Variants in NUP93 observed in about 807,000 individuals in gnomAD.
NUP93 encodes nucleoporin 93.
Under a neutral mutation model 107.8 loss-of-function variants are expected in NUP93, and 55 were observed. That is an observed-to-expected ratio of 0.51 (90% confidence interval 0.41 to 0.64). The LOEUF (loss-of-function observed/expected upper bound fraction) is 0.64, where lower values mean the gene tolerates loss of function less well. Among genes scored for constraint, NUP93 ranks in the 30% least tolerant of loss-of-function variants. The pLI, the probability that NUP93 is intolerant of heterozygous loss-of-function variation, is 0.00. For missense variants in NUP93, 937 were observed against 1,044.7 expected (o/e 0.90, Z 1.42); for synonymous variants, 390 against 397.5 (o/e 0.98, Z 0.22).
At chr16:56,745,341 C>A (rs969108885) in intron 1 of NUP93, among the ~76,000 whole-genome samples, 3 of 151,998 alleles carry the variant, frequency 2.0e-5, no homozygotes, top group Non-Finnish European at 4.4e-5. Context: ...GGAGATGAGT[C>A]TGAGTGATGA....
At chr16:56,817,468 T>G (rs1429771190) in intron 5 of NUP93, among the ~76,000 whole-genome samples, 1 of 152,202 alleles carries the variant, frequency 6.6e-6, no homozygotes, top group Non-Finnish European at 1.5e-5. Flanking sequence ...TTTGATTTAT[T>G]TTAGATTTTA....
intron 3 of NUP93, among the ~76,000 whole-genome samples, chr16:56,769,768 A>G (rs1424498952): frequency 6.6e-6 from 1 of 152,250 alleles, no homozygotes; most frequent in African/African-American, 2.4e-5. Context: ...TTTAAAGGGC[A>G]CATCAAATTT....
Position 56,831,868 on chromosome 16 carries a change from T to C in NUP93, c.1112T>C (p.Leu371Pro). ...RRLSPATENK[L>P]RLHYRRALRN... ...TTGTCCCCAGCTACGGAAAACAAGC[T>C]CCGGCTGCATTACCGTAGGGCCCTC... Residue 371 changes from leucine to proline, a missense_variant, in exon 11 of 22, where the codon CTC becomes CCC. Coordinates refer to ENST00000308159, the MANE Select transcript of NUP93 (RefSeq NM_014669.5). 1 of 1,614,078 alleles carries C rather than the reference T, an allele frequency of 6.2e-7. No homozygotes were observed. Among genetic ancestry groups the C allele is most frequent in the Non-Finnish European group, 8.5e-7 (1 of 1,179,988 alleles).
intron 3 of NUP93, among the ~76,000 whole-genome samples, chr16:56,772,685 A>G (rs1477338840): frequency 1.3e-5 from 2 of 152,236 alleles, no homozygotes; most frequent in Non-Finnish European, 1.5e-5. Flanking sequence ...CTGCATTTGC[A>G]AACCCCAAAT....
At chr16:56,768,652 G>C (rs1424703684) in intron 3 of NUP93, among the ~76,000 whole-genome samples, 7 of 151,754 alleles carry the variant, frequency 4.6e-5, no homozygotes, top group African/African-American at 1.5e-4. Flanking sequence ...GGATCACAAG[G>C]TCAGGAGATC....
chr16:56,819,650 A>G (rs1963504087), intron 6 of NUP93, among the ~76,000 whole-genome samples: 1 of 152,210 alleles, frequency 6.6e-6, no homozygotes, highest in Admixed American at 6.5e-5. Flanking sequence ...GGGGACAGTG[A>G]GAAACTGTTA....
chr16:56,746,576 A>G (rs990854084), intron 1 of NUP93, among the ~76,000 whole-genome samples: 2 of 152,184 alleles, frequency 1.3e-5, no homozygotes, highest in Non-Finnish European at 2.9e-5. Context: ...GCTATTTTTA[A>G]CCTTTTGCCT....
At chr16:56,740,068 C>T (rs1367878290) in intron 1 of NUP93, among the ~76,000 whole-genome samples, 1 of 88,978 alleles carries the variant, frequency 1.1e-5, no homozygotes, top group African/African-American at 5.0e-5. Flanking sequence ...GCTGGCCGGG[C>T]GGAGGGCTCA....
intron 4 of NUP93, among the ~76,000 whole-genome samples, chr16:56,800,260 TC>T (rs1190397278): frequency 6.6e-6 from 1 of 152,182 alleles, no homozygotes; most frequent in African/African-American, 2.4e-5. Flanking sequence ...ACAGAGAAAT[TC>T]ACTTGATTCA....
Position 56,848,602 on chromosome 16 carries a change from T to A in NUP93, c.*3993T>A, listed in dbSNP as rs1964142630. Reference sequence around the variant, plus strand: ...GCAGGGACAGGAAGGAAATAAATCTTTCTGCCACTTGTTTCCAACCGAAAA... The same window carrying A: ...GCAGGGACAGGAAGGAAATAAATCTATCTGCCACTTGTTTCCAACCGAAAA... On this transcript the variant is annotated 3_prime_UTR_variant, in exon 22 of 22. Transcript: ENST00000308159. The A allele has an allele frequency of 6.6e-6, 1 of 152,216 alleles. No individual in the cohort carries two copies. Among genetic ancestry groups the A allele is most frequent in the African/African-American group, 2.4e-5 (1 of 41,450 alleles). 9.4% of individuals were successfully genotyped at this position (152,216 alleles called of 1,614,324 possible).
At chr16:56,799,154 A>G (rs919448552) in intron 4 of NUP93, among the ~76,000 whole-genome samples, 6 of 152,196 alleles carry the variant, frequency 3.9e-5, no homozygotes, top group South Asian at 2.1e-4. Context: ...TTTGGTTTCT[A>G]CTGAATCAGC....
At chr16:56,834,497 G>A (rs1596858166) in intron 15 of NUP93, 55 bp downstream of exon 15, 1 of 1,565,840 alleles carries the variant, frequency 6.4e-7, no homozygotes, top group East Asian at 2.2e-5. Context: ...CATGTCCCAT[G>A]CTCATTCCGT....
intron 3 of NUP93, among the ~76,000 whole-genome samples, chr16:56,766,468 C>T (rs1343854943): frequency 2.0e-5 from 3 of 152,192 alleles, no homozygotes; most frequent in Non-Finnish European, 4.4e-5. Context: ...CTATAAATTG[C>T]TCGGTTGCAG....
Position 56,849,589 on chromosome 16 carries a change from C to CT in NUP93, c.*4983dup, listed in dbSNP as rs1964153730. 6.6e-6 allele frequency: 1 copy of CT among 152,222 alleles called. No individual in the cohort carries two copies. The allele number at this position is 152,222 out of a possible 1,614,324, so 9.4% of individuals were successfully genotyped here. On this transcript the variant is annotated 3_prime_UTR_variant, in exon 22 of 22. Coordinates refer to ENST00000308159, the MANE Select transcript of NUP93 (RefSeq NM_014669.5). ...CAGGCTTTCAGGTGGCACCCAGGGG[C>CT]TTTATGGCCTGCAGGTAAGGCCCCT...
chr16:56,740,907 G>GGGCAGGCTGA (rs1273696232), intron 1 of NUP93: 3 of 188,628 alleles, frequency 1.6e-5, no homozygotes, highest in African/African-American at 7.1e-5. Flanking sequence ...CGCAGGCACT[G>GGGCAGGCTGA]GGCAGGCTGA....
In NUP93 at chr16:56,841,758, A is replaced by C. The variant is rs113050575; in HGVS notation, c.2274A>C (p.Thr758=). Residue 758 remains threonine, a synonymous_variant, in exon 21 of 22, where the codon ACA becomes ACC. Transcript: ENST00000308159. ...VLLATMNILF[T]QFKRLKGTSP... is the part of the protein sequence containing the mutation. ...TTGCCACCATGAACATCTTGTTCAC[A>C]CAGTTTAAGAGGCTCAAGGGGACAA... 1 of 1,614,074 alleles carries C rather than the reference A, an allele frequency of 6.2e-7. No homozygotes were observed. The highest frequency in any genetic ancestry group is 1.3e-5 in the African/African-American group (1 of 74,936).
intron 2 of NUP93, among the ~76,000 whole-genome samples, chr16:56,754,377 C>T (rs575877982): frequency 6.6e-6 from 1 of 152,286 alleles, no homozygotes; most frequent in East Asian, 1.9e-4. Context: ...TCATGGCTTC[C>T]AAACAGACCC....
intron 3 of NUP93, among the ~76,000 whole-genome samples, chr16:56,768,353 C>T (rs1434906456): frequency 2.0e-5 from 3 of 150,986 alleles, no homozygotes; most frequent in Admixed American, 6.6e-5. Context: ...CACCTGAGGT[C>T]GGGAGTTTGA....
intron 3 of NUP93, among the ~76,000 whole-genome samples, chr16:56,787,101 G>A (rs1962644456): frequency 6.6e-6 from 1 of 152,176 alleles, no homozygotes. Flanking sequence ...CACCAATACT[G>A]TTAACAAAGG....
Sources: allele counts gnomAD v4.1 joint callset (sites outside exome capture counted in the v4.1 genomes callset), GRCh38; gene constraint gnomAD v4.1.1; transcripts MANE v1.5; gene names NCBI Gene and HGNC (gene_info 2026-07-23, HGNC 2026-07-21).